The following SPRY4 variants were observed in gnomAD, a reference collection of about 807,000 sequenced individuals.
SPRY4 encodes the protein sprouty RTK signaling antagonist 4.
SPRY4 carries 7 observed loss-of-function variants against 17.0 expected under a neutral mutation model. That is an observed-to-expected ratio of 0.41 (90% CI 0.23 to 0.77). The LOEUF is 0.77. SPRY4 is among the 30% of genes least tolerant of loss of function. The pLI is 0.32. For synonymous variants in SPRY4, 183 were observed against 174.1 expected (o/e 1.05, Z -0.40); for missense variants, 435 against 419.9 (o/e 1.04, Z -0.31).
rs549685192 is a variant in SPRY4 at position 142,311,461 on chromosome 5, A to T, written c.*2748T>A. 1.3e-5 allele frequency: 2 copies of T among 152,272 alleles called. No homozygotes were observed. The highest frequency in any genetic ancestry group is 4.1e-4 in the South Asian group (2 of 4,828). 9.4% of individuals were successfully genotyped at this position (152,272 alleles called of 1,614,324 possible). A position where few individuals can be genotyped will look rare whatever the true frequency, so the allele number is the denominator to read the frequency against. On this transcript the variant is annotated 3_prime_UTR_variant, in exon 2 of 2. Coordinates refer to ENST00000434127, the MANE Select transcript of SPRY4 (RefSeq NM_001127496.3). ...ACAGGAAACACACTCAGCCAGAAGCAGCTACACATGTGTGTTGTGTCTCTG... is the reference window on the plus strand; with the variant it reads ...ACAGGAAACACACTCAGCCAGAAGCTGCTACACATGTGTGTTGTGTCTCTG...
At chr5:142,318,187 A>G (rs796922327) in intron 1 of SPRY4, 7 of 985,066 alleles carry the variant, frequency 7.1e-6, no homozygotes, top group South Asian at 4.7e-5. Flanking sequence ...AAGAAAGAAA[A>G]AAAGAAAAGA....
chr5:142,319,703 G>A lies in SPRY4; in HGVS notation c.-47-4548C>T, dbSNP rs559693040. Reference sequence around the variant, plus strand: ...TGTATTTGCTGCTTGGCGGGTCTGGGAGCCCAGAACCAGCCAGTCTGACAC... The same window carrying A: ...TGTATTTGCTGCTTGGCGGGTCTGGAAGCCCAGAACCAGCCAGTCTGACAC... On this transcript the variant is annotated intron_variant, in intron 1 of 1. Transcript: ENST00000434127. 1.3e-5 allele frequency: 21 copies of A among 1,600,388 alleles called. No individual in the cohort carries two copies. In the South Asian group the frequency reaches 1.8e-4, roughly 14 times the overall value.
chr5:142,314,870 C>T lies in SPRY4; in HGVS notation c.239G>A (p.Arg80His), dbSNP rs751535545. 37 of 1,594,448 alleles carry T rather than the reference C, an allele frequency of 2.3e-5. No individual in the cohort carries two copies. The highest frequency in any genetic ancestry group is 1.9e-4 in the South Asian group (17 of 88,366). The change falls in exon 2 of 2, where the codon CGC (arginine) becomes CAC (histidine). Residue 80 changes from arginine to histidine, a missense_variant. Physicochemically the swap from Arg to His is conservative, Grantham distance 29. Coordinates refer to ENST00000434127, the MANE Select transcript of SPRY4 (RefSeq NM_001127496.3). This position sits in a 1 kb window ranked among gnomAD's most constrained non-coding sequence, Gnocchi z 4.8. The stretch of plus-strand genomic sequence containing the variant: ...ATGGTGGGTGACATCCTGGTCACAG[C>T]GGGCGGGCGTCGGGGCCAGCTCTGG... ...GAPELAPTPA[R>H]CDQDVTHHWI...
intron 1 of SPRY4, among the ~76,000 whole-genome samples, chr5:142,320,664 T>C (rs567583077): frequency 6.6e-6 from 1 of 152,188 alleles, no homozygotes; most frequent in Non-Finnish European, 1.5e-5. Context: ...AAGGAGCCTG[T>C]TAACCACTGG....
chr5:142,314,071 C>T lies in SPRY4; in HGVS notation c.*138G>A, dbSNP rs950320645. 7.8e-6 allele frequency: 7 copies of T among 900,408 alleles called. No individual in the cohort carries two copies. Among genetic ancestry groups the T allele is most frequent in the Admixed American group, 5.8e-5 (2 of 34,564 alleles). The allele number at this position is 900,408 out of a possible 1,614,324, so 55.8% of individuals were successfully genotyped here. A position where few individuals can be genotyped will look rare whatever the true frequency, so the allele number is the denominator to read the frequency against. ...ACGTGGTGGTGGTCTCTGTATTTTC[C>T]GAAGCTGGGGGTAGGGAGTGGGCAG... On this transcript the variant is annotated 3_prime_UTR_variant, in exon 2 of 2. Coordinates refer to ENST00000434127, the MANE Select transcript of SPRY4 (RefSeq NM_001127496.3). This position sits in a 1 kb window ranked among gnomAD's most constrained non-coding sequence, Gnocchi z 4.8.
chr5:142,319,454 C>G (rs1352791685), intron 1 of SPRY4, among the ~76,000 whole-genome samples: 1 of 152,150 alleles, frequency 6.6e-6, no homozygotes. Context: ...GAATGGATTT[C>G]ACTTGTAGGA....
At position 142,313,181 on chromosome 5, in the gene SPRY4, C is replaced by G. The variant is rs1015724431; in HGVS notation, c.*1028G>C. 1.3e-5 allele frequency: 2 copies of G among 152,500 alleles called. No homozygotes were observed. The highest frequency in any genetic ancestry group is 2.9e-5 in the Non-Finnish European group (2 of 68,024). 9.4% of individuals were successfully genotyped at this position (152,500 alleles called of 1,614,324 possible). ...ATTGTGTTCCTTGAGGTTGCTCGCCCCCAGATTTTGAAATCAGCCCTTCCT... is the reference window on the plus strand; with the variant it reads ...ATTGTGTTCCTTGAGGTTGCTCGCCGCCAGATTTTGAAATCAGCCCTTCCT... On this transcript the variant is annotated 3_prime_UTR_variant, in exon 2 of 2. Coordinates refer to ENST00000434127, the MANE Select transcript of SPRY4 (RefSeq NM_001127496.3).
chr5:142,319,843 T>C lies in SPRY4; in HGVS notation c.-47-4688A>G, dbSNP rs576424146. The C allele has an allele frequency of 7.1e-6, 11 of 1,556,400 alleles. No individual in the cohort carries two copies. In the African/African-American group the frequency reaches 1.4e-4, roughly 19 times the overall value. ...TAAATGTCCGCACAATTGAGCAGGA[T>C]GCCTAATCCCACCCACCCACACCCT... On this transcript the variant is annotated intron_variant, in intron 1 of 1. Coordinates refer to ENST00000434127, the MANE Select transcript of SPRY4 (RefSeq NM_001127496.3).
intron 1 of SPRY4, among the ~76,000 whole-genome samples, chr5:142,321,128 ACCCCGAGAG>A (rs1326850062): frequency 6.6e-6 from 1 of 152,048 alleles, no homozygotes; most frequent in Non-Finnish European, 1.5e-5. Context: ...GTGGCCCCAG[ACCCCGAGAG>A]CCAAGAATAC....
At position 142,313,244 on chromosome 5, in the gene SPRY4, T is replaced by C. The variant is rs1405565708; in HGVS notation, c.*965A>G. 1 of 152,620 alleles carries C rather than the reference T, an allele frequency of 6.6e-6. No individual in the cohort carries two copies. Among genetic ancestry groups the C allele is most frequent in the African/African-American group, 2.4e-5 (1 of 41,452 alleles). 9.5% of individuals were successfully genotyped at this position (152,620 alleles called of 1,614,324 possible). ...AAGGAAACAAGTTGTTTTATTATTA[T>C]TTTTTAAAACACCGTTAGCATCCGG... On this transcript the variant is annotated 3_prime_UTR_variant, in exon 2 of 2. Transcript: ENST00000434127.
intron 1 of SPRY4, among the ~76,000 whole-genome samples, chr5:142,322,199 C>T (rs1039274019): frequency 6.6e-6 from 1 of 152,156 alleles, no homozygotes; most frequent in Non-Finnish European, 1.5e-5. Context: ...ACATATGAGG[C>T]CGGGCGTGGT....
At position 142,314,714 on chromosome 5, in the gene SPRY4, T is replaced by A; in HGVS notation, c.395A>T (p.Gln132Leu). 6.2e-7 allele frequency: 1 copy of A among 1,613,536 alleles called. No homozygotes were observed. Among genetic ancestry groups the A allele is most frequent in the East Asian group, 2.2e-5 (1 of 44,850 alleles). The part of the protein sequence containing the change: ...DQASPRAVRI[Q>L]PKVVHCQPLD... The stretch of plus-strand genomic sequence containing the variant: ...CGGCTGGCAGTGGACCACCTTGGGC[T>A]GGATGCGCACAGCCCTTGGTGAGGC... The change falls in exon 2 of 2, where the codon CAG (glutamine) becomes CTG (leucine). Residue 132 changes from glutamine (Q) to leucine (L), a missense_variant. Transcript: ENST00000434127. This position sits in a 1 kb window ranked among gnomAD's most constrained non-coding sequence, Gnocchi z 4.8.
Position 142,313,615 on chromosome 5 carries a change from G to GT in SPRY4, c.*593dup, listed in dbSNP as rs1759008229. The GT allele has an allele frequency of 1.3e-5, 2 of 152,928 alleles. No individual in the cohort carries two copies. The highest frequency in any genetic ancestry group is 2.9e-5 in the Non-Finnish European group (2 of 68,634). 9.5% of individuals were successfully genotyped at this position (152,928 alleles called of 1,614,324 possible). On this transcript the variant is annotated 3_prime_UTR_variant, in exon 2 of 2. Transcript: ENST00000434127. ...ACTCACTGGCCGTCCTCTGTTCTCA[G>GT]TGGCTCCCAAGTATATACAATAGGA...
intron 1 of SPRY4, among the ~76,000 whole-genome samples, chr5:142,322,483 A>AAAAAT (rs79291595): frequency 8.5e-6 from 1 of 117,528 alleles, no homozygotes; most frequent in African/African-American, 2.7e-5. Context: ...AAAAAAAAAA[A>AAAAAT]ATATATATAT....
At chr5:142,324,311 C>T (rs1353002044) in intron 1 of SPRY4, 2 of 152,300 alleles carry the variant, frequency 1.3e-5, no homozygotes, top group Non-Finnish European at 2.9e-5. Context: ...GAATTCAGTC[C>T]GTCACGGCTC....
Position 142,314,640 on chromosome 5 carries a change from A to C in SPRY4, c.469T>G (p.Leu157Val). The C allele has an allele frequency of 6.2e-7, 1 of 1,614,262 alleles. No individual in the cohort carries two copies. Among genetic ancestry groups the C allele is most frequent in the South Asian group, 1.1e-5 (1 of 91,086 alleles). The change falls in exon 2 of 2, where the codon TTG becomes GTG. Residue 157 changes from leucine to valine, a missense_variant. By Grantham distance (32) the Leu-to-Val change is conservative (BLOSUM62 1). Coordinates refer to ENST00000434127, the MANE Select transcript of SPRY4 (RefSeq NM_001127496.3). This position sits in a 1 kb window ranked among gnomAD's most constrained non-coding sequence, Gnocchi z 4.8. ...AVPPELDKHF[L>V]LCEACGKCKC... ...CACTTCCCACAGGCCTCGCACAGCA[A>C]GAAGTGCTTGTCCAGCTCGGGTGGG...
At position 142,312,552 on chromosome 5, in the gene SPRY4, G is replaced by A. The variant is rs1758960718; in HGVS notation, c.*1657C>T. On this transcript the variant is annotated 3_prime_UTR_variant, in exon 2 of 2. Transcript: ENST00000434127. ...CTGCCTCCTTCCCGGAGGCACCTCT[G>A]TTCCTATACAGAACAAACTGGAAAT... 6.6e-6 allele frequency: 1 copy of A among 152,150 alleles called. No homozygotes were observed. Among genetic ancestry groups the A allele is most frequent in the African/African-American group, 2.4e-5 (1 of 41,438 alleles). 9.4% of individuals were successfully genotyped at this position (152,150 alleles called of 1,614,324 possible).
chr5:142,320,048 A>C (rs1759294246), intron 1 of SPRY4, among the ~76,000 whole-genome samples: 1 of 152,214 alleles, frequency 6.6e-6, no homozygotes, highest in Non-Finnish European at 1.5e-5. Context: ...TTAACCCTTT[A>C]AACAACTCAG....
Position 142,314,320 on chromosome 5 carries a change from A to G in SPRY4, c.789T>C (p.Arg263=), listed in dbSNP as rs1759047297. The change falls in exon 2 of 2, where the codon CGT becomes CGC. Residue 263 remains arginine, a synonymous_variant. Coordinates refer to ENST00000434127, the MANE Select transcript of SPRY4 (RefSeq NM_001127496.3). This position sits in a 1 kb window ranked among gnomAD's most constrained non-coding sequence, Gnocchi z 4.8. ...PATGCVKLAQ[R]GYDRLRRPGC... is the part of the protein sequence containing the mutation. ...CAGGGCGGCGCAGACGGTCGTAGCCACGCTGGGCCAGCTTCACGCAGCCGG... is the reference window on the plus strand; with the variant it reads ...CAGGGCGGCGCAGACGGTCGTAGCCGCGCTGGGCCAGCTTCACGCAGCCGG... 1 of 1,613,942 alleles carries G rather than the reference A, an allele frequency of 6.2e-7. No homozygotes were observed.
Sources: allele counts gnomAD v4.1 joint callset (sites outside exome capture counted in the v4.1 genomes callset), GRCh38; gene constraint gnomAD v4.1.1; non-coding constraint Gnocchi (gnomAD v3.1); transcripts MANE v1.5; gene names NCBI Gene and HGNC (gene_info 2026-07-23, HGNC 2026-07-21).